Variants in BTG4 observed in about 807,000 individuals in gnomAD.
The protein encoded by BTG4 is protein BTG4.
Under a neutral mutation model 19.3 loss-of-function variants are expected in BTG4, and 10 were observed. The observed-to-expected ratio is 0.52, with a 90% CI of 0.32 to 0.88. The LOEUF is 0.88. Among genes scored for constraint, BTG4 ranks in the 40% least tolerant of loss-of-function variants. The probability of loss-of-function intolerance (pLI) is 0.04; values close to 1 mark genes in which losing one functional copy is unlikely to be tolerated. For missense variants in BTG4, 238 were observed against 281.9 expected (o/e 0.84, Z 1.11); for synonymous variants, 91 against 95.7 (o/e 0.95, Z 0.29).
chr11:111,425,107 G>A, the BTG4 span, among the ~76,000 whole-genome samples: 476 of 152,254 alleles, frequency 3.1e-3, 3 homozygotes, highest in African/African-American at 0.011. Context: ...GGCTGGACCT[G>A]GGAAAATGGG....
the BTG4 span, among the ~76,000 whole-genome samples, chr11:111,392,520 C>T: frequency 6.6e-6 from 1 of 152,104 alleles, no homozygotes; most frequent in Non-Finnish European, 1.5e-5. Context: ...ATCACCATTC[C>T]CAGGGTTTCT....
chr11:111,447,046 T>C, the BTG4 span, among the ~76,000 whole-genome samples: 1 of 152,202 alleles, frequency 6.6e-6, no homozygotes, highest in Non-Finnish European at 1.5e-5. Context: ...GTAGTCTCTG[T>C]CACAACTCAC....
the BTG4 span, among the ~76,000 whole-genome samples, chr11:111,426,757 C>A: frequency 2.6e-5 from 4 of 152,210 alleles, no homozygotes; most frequent in African/African-American, 9.7e-5. Context: ...CTTACCACGC[C>A]CCTGTATCAC....
intron 5 of BTG4, among the ~76,000 whole-genome samples, chr11:111,473,903 C>T (rs1054335852): frequency 6.6e-6 from 1 of 152,166 alleles, no homozygotes. Context: ...AAGATACCAA[C>T]TGCTGTTTTA....
the BTG4 span, among the ~76,000 whole-genome samples, chr11:111,433,339 C>T: frequency 6.6e-6 from 1 of 152,172 alleles, no homozygotes; most frequent in Non-Finnish European, 1.5e-5. Flanking sequence ...GCTGGGAAAA[C>T]TGGCTAGCCA....
At chr11:111,495,541 T>C (rs1383216769) in intron 4 of BTG4, among the ~76,000 whole-genome samples, 1 of 152,248 alleles carries the variant, frequency 6.6e-6, no homozygotes, top group Non-Finnish European at 1.5e-5. Flanking sequence ...CTTTTTAATA[T>C]GCTTATTCAA....
chr11:111,423,999 AACC>A, the BTG4 span, among the ~76,000 whole-genome samples: 1 of 152,104 alleles, frequency 6.6e-6, no homozygotes. Context: ...ACAGCCTTAG[AACC>A]ACCACCACCA....
the BTG4 span, among the ~76,000 whole-genome samples, chr11:111,429,410 A>G: frequency 2.0e-5 from 3 of 152,212 alleles, no homozygotes; most frequent in African/African-American, 4.8e-5. Context: ...AGCCTGCTCA[A>G]GGTCACGTAG....
At chr11:111,431,828 C>A in the BTG4 span, among the ~76,000 whole-genome samples, 2 of 152,182 alleles carry the variant, frequency 1.3e-5, no homozygotes, top group Admixed American at 1.3e-4. Flanking sequence ...TGAACTCTAG[C>A]AACTTGCAGA....
At chr11:111,453,535 G>C in the BTG4 span, 1 of 456,642 alleles carries the variant, frequency 2.2e-6, no homozygotes, top group Non-Finnish European at 4.4e-6. Context: ...AATAAGGAGA[G>C]GCCGATCTCA....
chr11:111,426,568 G>A, the BTG4 span, among the ~76,000 whole-genome samples: 1 of 152,134 alleles, frequency 6.6e-6, no homozygotes. Context: ...CACACCTTGG[G>A]CTCTCCTCTC....
At chr11:111,391,384 C>G in the BTG4 span, among the ~76,000 whole-genome samples, 1 of 152,152 alleles carries the variant, frequency 6.6e-6, no homozygotes, top group African/African-American at 2.4e-5. Context: ...CCAGGTTTAT[C>G]TAGGAGAAAT....
intron 5 of BTG4, among the ~76,000 whole-genome samples, chr11:111,474,408 T>C (rs1864275709): frequency 1.3e-5 from 2 of 152,154 alleles, no homozygotes; most frequent in African/African-American, 4.8e-5. Flanking sequence ...TTTTCGCTTA[T>C]TCATGAACTT....
chr11:111,392,164 A>AT, the BTG4 span, among the ~76,000 whole-genome samples: 2 of 52,520 alleles, frequency 3.8e-5, no homozygotes, highest in East Asian at 5.6e-4. Context: ...TTTTCCTGTG[A>AT]TTTTCTTTTT....
chr11:111,441,116 T>C, the BTG4 span, among the ~76,000 whole-genome samples: 1 of 27,784 alleles, frequency 3.6e-5, no homozygotes. Flanking sequence ...CTCTCTTTTC[T>C]TTTTTTTTTT....
upstream of BTG4, chr11:111,514,679 G>C (rs1450436960): frequency 4.5e-6 from 4 of 879,218 alleles, no homozygotes; most frequent in Non-Finnish European, 7.0e-6. Flanking sequence ...AGGAAACCGA[G>C]GGCAGCCGGC....
the BTG4 span, among the ~76,000 whole-genome samples, chr11:111,445,579 C>G: frequency 2.0e-5 from 3 of 152,224 alleles, no homozygotes; most frequent in Non-Finnish European, 2.9e-5. Flanking sequence ...CTAGGCCCAA[C>G]ATATCCCCAA....
At chr11:111,464,280 T>C (rs1182373929), downstream of BTG4, among the ~76,000 whole-genome samples, 1 of 152,194 alleles carries the variant, frequency 6.6e-6, no homozygotes, top group Non-Finnish European at 1.5e-5. Context: ...ATTACAGGCA[T>C]GAGCCACTGT....
chr11:111,490,597 AT>A (rs1336526200), downstream of BTG4, among the ~76,000 whole-genome samples: 6 of 152,236 alleles, frequency 3.9e-5, no homozygotes, highest in African/African-American at 1.2e-4. Context: ...CAATTAGAAA[AT>A]GGCCAGAAGA....
Sources: allele counts gnomAD v4.1 joint callset (sites outside exome capture counted in the v4.1 genomes callset), GRCh38; gene constraint gnomAD v4.1.1; transcripts MANE v1.5; gene names NCBI Gene and HGNC (gene_info 2026-07-23, HGNC 2026-07-21).